Variants in GPHN observed in about 807,000 individuals in gnomAD.
GPHN encodes the protein gephyrin.
Under a neutral mutation model 95.5 loss-of-function variants are expected in GPHN, and 17 were observed. That is an observed-to-expected ratio of 0.18 (90% CI 0.12 to 0.27). GPHN has a LOEUF of 0.27. GPHN is among the 10% of genes least tolerant of loss of function. The probability of loss-of-function intolerance (pLI) is 1.00; values close to 1 mark genes in which losing one functional copy is unlikely to be tolerated. For synonymous variants in GPHN, 320 were observed against 322.5 expected (o/e 0.99, Z 0.08); for missense variants, 660 against 978.1 (o/e 0.67, Z 4.34).
chr14:67,460,589 A>T, the GPHN span, among the ~76,000 whole-genome samples: 10 of 152,162 alleles, frequency 6.6e-5, no homozygotes, highest in African/African-American at 2.4e-4. Context: ...CTGTAGTCCC[A>T]GGTACTCGGG....
chr14:67,076,034 C>T (rs2076479741), intron 11 of GPHN, among the ~76,000 whole-genome samples: 1 of 152,118 alleles, frequency 6.6e-6, no homozygotes, highest in East Asian at 1.9e-4. Context: ...AACAGCATTG[C>T]ATGCTACAGA....
the GPHN span, among the ~76,000 whole-genome samples, chr14:67,274,525 C>T: frequency 6.6e-6 from 1 of 152,058 alleles, no homozygotes. Context: ...GTTACTGTAA[C>T]CTTGTAGTAT....
At chr14:67,437,728 G>A in the GPHN span, among the ~76,000 whole-genome samples, 1 of 152,092 alleles carries the variant, frequency 6.6e-6, no homozygotes, top group Admixed American at 6.6e-5. Context: ...TGATGGGCTG[G>A]AGTGAGGAAG....
At chr14:67,428,954 G>T in the GPHN span, among the ~76,000 whole-genome samples, 1 of 152,144 alleles carries the variant, frequency 6.6e-6, no homozygotes, top group Non-Finnish European at 1.5e-5. Flanking sequence ...GCTGGTGTTG[G>T]TCTCCTTTAA....
At chr14:67,674,392 A>G in the GPHN span, 1 of 1,601,138 alleles carries the variant, frequency 6.2e-7, no homozygotes, top group South Asian at 1.1e-5. Context: ...CGCCGTCCCC[A>G]GCAGCCGCTC....
the GPHN span, among the ~76,000 whole-genome samples, chr14:67,564,295 C>T: frequency 6.6e-6 from 1 of 152,106 alleles, no homozygotes; most frequent in Non-Finnish European, 1.5e-5. Flanking sequence ...CTGCGCCAGG[C>T]CAGCTTCCTT....
At chr14:67,013,429 C>T (rs1018859075) in intron 9 of GPHN, among the ~76,000 whole-genome samples, 1 of 151,940 alleles carries the variant, frequency 6.6e-6, no homozygotes, top group Admixed American at 6.6e-5. Context: ...CTATATTGCT[C>T]ATCCTGAAAA....
the GPHN span, chr14:67,392,681 G>C: frequency 1.1e-3 from 1,765 of 1,614,042 alleles, 33 homozygotes; most frequent in East Asian, 0.032. Flanking sequence ...CAGGGCTGTG[G>C]AGTCATCCAG....
At chr14:67,592,542 A>G in the GPHN span, 4 of 733,610 alleles carry the variant, frequency 5.5e-6, no homozygotes, top group Non-Finnish European at 9.6e-6. Context: ...AACAGCTGTC[A>G]GGTATCTTCC....
At chr14:67,323,615 A>AAT in the GPHN span, 20,558 of 253,736 alleles carry the variant, frequency 0.081, 360 homozygotes, top group African/African-American at 0.11. Context: ...CCCTTAATCT[A>AAT]ATATATATAT....
intron 12 of GPHN, among the ~76,000 whole-genome samples, chr14:67,095,672 C>T (rs1428329028): frequency 6.6e-6 from 1 of 151,776 alleles, no homozygotes; most frequent in African/African-American, 2.4e-5. Flanking sequence ...AGTAAACTAT[C>T]GCAAGGACAA....
intron 19 of GPHN, among the ~76,000 whole-genome samples, chr14:67,160,615 A>G (rs2081918764): frequency 6.6e-6 from 1 of 152,192 alleles, no homozygotes; most frequent in Non-Finnish European, 1.5e-5. Context: ...TTTCCTGTGC[A>G]GAGACCTCAA....
At chr14:67,545,079 GTTTC>G in the GPHN span, among the ~76,000 whole-genome samples, 2 of 152,184 alleles carry the variant, frequency 1.3e-5, no homozygotes, top group Non-Finnish European at 2.9e-5. Flanking sequence ...CCAGGCTGAT[GTTTC>G]TTTCTTTCTC....
the GPHN span, among the ~76,000 whole-genome samples, chr14:67,598,713 C>CTTTT: frequency 0.22 from 31,745 of 144,316 alleles, 3,973 homozygotes; most frequent in Admixed American, 0.33. Flanking sequence ...TATGAACAAA[C>CTTTT]TTTTTTTTTT....
intron 10 of GPHN, among the ~76,000 whole-genome samples, chr14:67,038,526 T>C (rs2074542261): frequency 1.3e-5 from 2 of 152,200 alleles, no homozygotes; most frequent in South Asian, 4.1e-4. Flanking sequence ...TATCCTGGAA[T>C]GGACATATAT....
At chr14:67,705,821 A>C in the GPHN span, 1 of 152,236 alleles carries the variant, frequency 6.6e-6, no homozygotes, top group Non-Finnish European at 1.5e-5. Context: ...AGGCTGAATT[A>C]TCTTTTTATT....
chr14:66,514,481 CTA>C (rs2058163162), intron 1 of GPHN, among the ~76,000 whole-genome samples: 1 of 152,000 alleles, frequency 6.6e-6, no homozygotes, highest in Non-Finnish European at 1.5e-5. Flanking sequence ...AAATCACTCT[CTA>C]AGATCACTTC....
At chr14:67,037,023 A>G (rs1449571841) in intron 10 of GPHN, among the ~76,000 whole-genome samples, 2 of 152,030 alleles carry the variant, frequency 1.3e-5, no homozygotes, top group Non-Finnish European at 2.9e-5. Context: ...ACATCTCTTG[A>G]TTTCAAAACA....
At chr14:67,728,267 CAAT>C in the GPHN span, 1 of 152,178 alleles carries the variant, frequency 6.6e-6, no homozygotes, top group Admixed American at 6.5e-5. Flanking sequence ...ATAACTATTA[CAAT>C]AATAATTGAG....
Sources: allele counts gnomAD v4.1 joint callset (sites outside exome capture counted in the v4.1 genomes callset), GRCh38; gene constraint gnomAD v4.1.1; transcripts MANE v1.5; gene names NCBI Gene and HGNC (gene_info 2026-07-23, HGNC 2026-07-21).